ANKRD30A: variants seen among roughly 807,000 people sequenced by gnomAD.
ANKRD30A encodes ankyrin repeat domain-containing protein 30A.
Under a neutral mutation model 166.3 loss-of-function variants are expected in ANKRD30A, and 170 were observed. That is an observed-to-expected ratio of 1.02 (90% CI 0.90 to 1.16). ANKRD30A has a LOEUF of 1.16. ANKRD30A is among the 50% of genes most tolerant of loss of function. The pLI, the probability that ANKRD30A is intolerant of heterozygous loss-of-function variation, is 0.00. For missense variants in ANKRD30A, 1,630 were observed against 1,518.0 expected, an observed-to-expected ratio of 1.07 and a Z score of -1.23; for synonymous variants, 564 against 508.9, an observed-to-expected ratio of 1.11 and a Z score of -1.46.
chr10:37,127,964 A>G (rs866390240), intron 1 of ANKRD30A, among the ~76,000 whole-genome samples: 14 of 152,134 alleles, frequency 9.2e-5, no homozygotes, highest in Non-Finnish European at 1.5e-4. Context: ...GCACTTCTTA[A>G]AATATCAGTG....
intron 27 of ANKRD30A, among the ~76,000 whole-genome samples, chr10:37,195,079 A>G (rs1345335253): frequency 2.0e-5 from 3 of 152,146 alleles, no homozygotes; most frequent in African/African-American, 7.2e-5. Context: ...TAGGAAAAAC[A>G]TTATGTGAAC....
chr10:37,166,369 C>T (rs1348815741), intron 18 of ANKRD30A, among the ~76,000 whole-genome samples: 1 of 152,016 alleles, frequency 6.6e-6, no homozygotes, highest in Non-Finnish European at 1.5e-5. Flanking sequence ...TTTGTTTTTC[C>T]TGCTCAGTCA....
rs773720138 is a variant in ANKRD30A at position 37,153,529 on chromosome 10, G to C, written c.1708-43G>C. On this transcript the variant is annotated intron_variant, in intron 12 of 35. Transcript: ENST00000361713. The stretch of plus-strand genomic sequence containing the variant: ...GAAATTTTGATACTCTTCATTACTA[G>C]GATTTATCCATTGAAATTATTTATT... 2.4e-5 allele frequency: 38 copies of C among 1,602,132 alleles called. No individual in the cohort carries two copies. The South Asian group carries it at 4.3e-4, about 18-fold the overall frequency.
At chr10:37,154,426 G>T (rs969222601) in intron 13 of ANKRD30A, among the ~76,000 whole-genome samples, 20 of 152,198 alleles carry the variant, frequency 1.3e-4, no homozygotes, top group African/African-American at 4.6e-4. Flanking sequence ...AGCAAGAGGA[G>T]AGGCCTTTTG....
rs151189032 is a variant in ANKRD30A, at chr10:37,164,547, A to C, written c.2003-547A>C. 3.5e-4 allele frequency among the ~76,000 whole-genome samples: 53 copies of C among 151,922 alleles called. 1 individual carries two copies. In the East Asian group the frequency reaches 6.2e-3, roughly 18 times the overall value. ...TAAAGCTTATCTTCCTAAAGCATAT[A>C]CACACGCAAAACACACCCAATACAC... On this transcript the variant is annotated intron_variant, in intron 17 of 35. Coordinates refer to ENST00000361713, the MANE Select transcript of ANKRD30A (RefSeq NM_052997.3).
chr10:37,240,456 T>A, the ANKRD30A span, among the ~76,000 whole-genome samples: 7 of 152,192 alleles, frequency 4.6e-5, no homozygotes, highest in Admixed American at 6.5e-5. Flanking sequence ...TCTCCAGTCT[T>A]TGACTTTGTC....
the ANKRD30A span, among the ~76,000 whole-genome samples, chr10:37,258,690 G>A: frequency 6.7e-6 from 1 of 150,194 alleles, no homozygotes; most frequent in African/African-American, 2.4e-5. Flanking sequence ...ATGGCCATGA[G>A]TGGTGGCTCA....
Position 37,191,494 on chromosome 10 carries a change from G to A in ANKRD30A, c.2513-1570G>A, listed in dbSNP as rs571594359. On this transcript the variant is annotated intron_variant, in intron 25 of 35. Transcript: ENST00000361713. Reference sequence around the variant, plus strand: ...TGTTGCCTTAAAGACACATGGTGTAGCATTCTACGTTCAGCTTTTGCATTT... The same window carrying A: ...TGTTGCCTTAAAGACACATGGTGTAACATTCTACGTTCAGCTTTTGCATTT... Among the ~76,000 whole-genome samples, 38 of 151,986 alleles carry A rather than the reference G, an allele frequency of 2.5e-4. 2 individuals carry two copies. Among genetic ancestry groups the A allele is most frequent in the Non-Finnish European group, 3.7e-4 (25 of 68,002 alleles).
chr10:37,238,089 C>G, the ANKRD30A span, among the ~76,000 whole-genome samples: 1 of 151,968 alleles, frequency 6.6e-6, no homozygotes, highest in Non-Finnish European at 1.5e-5. Flanking sequence ...TATCCAAGAC[C>G]CTTTCCCTAA....
At chr10:37,135,102 T>G (rs1049294667) in intron 5 of ANKRD30A, 1 of 152,218 alleles carries the variant, frequency 6.6e-6, no homozygotes, top group Non-Finnish European at 1.5e-5. Flanking sequence ...CTCAAGTTTT[T>G]AAAATATTTT....
At chr10:37,262,653 G>A in the ANKRD30A span, 1 of 153,460 alleles carries the variant, frequency 6.5e-6, no homozygotes, top group African/African-American at 2.4e-5. Context: ...TTTCAAATTT[G>A]TTATGTAAAA....
intron 34 of ANKRD30A, among the ~76,000 whole-genome samples, chr10:37,224,879 G>A (rs1457213688): frequency 2.0e-5 from 3 of 151,192 alleles, no homozygotes; most frequent in Non-Finnish European, 3.0e-5. Context: ...TTTCTACTTT[G>A]AATAATCTTT....
chr10:37,145,320 A>G (rs1021425750), intron 8 of ANKRD30A, among the ~76,000 whole-genome samples: 1 of 152,130 alleles, frequency 6.6e-6, no homozygotes, highest in Non-Finnish European at 1.5e-5. Context: ...TGTACTAAAA[A>G]TACAAAATTA....
intron 1 of ANKRD30A, 54 bp downstream of exon 1, chr10:37,126,062 G>GCGC: frequency 2.6e-6 from 3 of 1,170,676 alleles, no homozygotes; most frequent in Non-Finnish European, 3.7e-6. Context: ...GCGGTGGGAG[G>GCGC]ATCGCCCCTT....
the ANKRD30A span, among the ~76,000 whole-genome samples, chr10:37,249,689 C>T: frequency 2.0e-5 from 3 of 151,996 alleles, no homozygotes; most frequent in East Asian, 5.8e-4. Flanking sequence ...TGGGGAAATT[C>T]AGGGTAGGTG....
At chr10:37,198,091 T>C (rs1841300278) in intron 29 of ANKRD30A, among the ~76,000 whole-genome samples, 1 of 152,268 alleles carries the variant, frequency 6.6e-6, no homozygotes, top group South Asian at 2.1e-4. Flanking sequence ...AAACTGTGAT[T>C]CTGAAGTGTT....
rs369070109 is a variant in ANKRD30A, at chr10:37,197,349, C to G, written c.2643+40C>G. The G allele has an allele frequency of 1.6e-5, 26 of 1,612,984 alleles. No homozygotes were observed. The East Asian group carries it at 5.8e-4, about 36-fold the overall frequency. On this transcript the variant is annotated intron_variant, in intron 28 of 35. Coordinates refer to ENST00000361713, the MANE Select transcript of ANKRD30A (RefSeq NM_052997.3). ...GATTTCATTTTGAATGACTTATTAA[C>G]TATGTATTTTGTGAAGTATACATTC...
At chr10:37,232,654 T>TTATATTTATATATATA (rs1554832840), downstream of ANKRD30A, 1 of 54,202 alleles carries the variant, frequency 1.8e-5, no homozygotes, top group African/African-American at 6.9e-5. Flanking sequence ...AGCATTGGTT[T>TTATATTTATATATATA]TATATATATA....
At chr10:37,245,391 A>G in the ANKRD30A span, among the ~76,000 whole-genome samples, 3 of 152,264 alleles carry the variant, frequency 2.0e-5, no homozygotes, top group South Asian at 6.2e-4. Flanking sequence ...AAATAGTAAC[A>G]GTCTTCTTTG....
Sources: allele counts gnomAD v4.1 joint callset (sites outside exome capture counted in the v4.1 genomes callset), GRCh38; gene constraint gnomAD v4.1.1; transcripts MANE v1.5; gene names NCBI Gene and HGNC (gene_info 2026-07-23, HGNC 2026-07-21).